LUZP2: variants seen among roughly 807,000 people sequenced by gnomAD.
LUZP2 encodes leucine zipper protein 2.
Under a neutral mutation model 51.6 loss-of-function variants are expected in LUZP2, and 52 were observed. That is an observed-to-expected ratio of 1.01 (90% CI 0.81 to 1.27). The LOEUF (loss-of-function observed/expected upper bound fraction) is 1.27, where lower values mean the gene tolerates loss of function less well. LUZP2 is among the 50% of genes most tolerant of loss of function. LUZP2 has a pLI of 0.00. For missense variants in LUZP2, 436 were observed against 395.4 expected (o/e 1.10, Z -0.87); for synonymous variants, 154 against 137.3 (o/e 1.12, Z -0.85).
chr11:24,997,323 A>G (rs533670440), intron 9 of LUZP2, among the ~76,000 whole-genome samples: 2 of 152,302 alleles, frequency 1.3e-5, no homozygotes, highest in South Asian at 2.1e-4. Flanking sequence ...AACTGGTGTG[A>G]GATGGTATCC....
chr11:25,042,512 T>A (rs1252294423), intron 9 of LUZP2, among the ~76,000 whole-genome samples: 1 of 152,230 alleles, frequency 6.6e-6, no homozygotes, highest in Non-Finnish European at 1.5e-5. Flanking sequence ...AATGAGTCTC[T>A]AGTACATTAT....
At chr11:25,043,892 C>CTA (rs1004866992) in intron 9 of LUZP2, among the ~76,000 whole-genome samples, 2 of 137,932 alleles carry the variant, frequency 1.4e-5, no homozygotes, top group African/African-American at 5.2e-5. Context: ...GGGTCTCAGA[C>CTA]TATATATATA....
In LUZP2 at chr11:24,529,293, A is replaced by G. The variant is rs1590141895; in HGVS notation, c.62+31988A>G. Among the ~76,000 whole-genome samples, 6 of 151,252 alleles carry G rather than the reference A, an allele frequency of 4.0e-5. No individual in the cohort carries two copies. The South Asian group carries it at 1.2e-3, about 31-fold the overall frequency. The stretch of plus-strand genomic sequence containing the variant: ...ATAATGAAGATTAATGAATAAATAC[A>G]TATATCCATGTATATATTGTCTTCA... On this transcript the variant is annotated intron_variant, in intron 1 of 11. Transcript: ENST00000336930.
At chr11:25,044,336 C>T (rs1858223423) in intron 9 of LUZP2, among the ~76,000 whole-genome samples, 1 of 137,552 alleles carries the variant, frequency 7.3e-6, no homozygotes, top group Admixed American at 7.7e-5. Context: ...AATTGAAATC[C>T]ATATTCCTTT....
intron 9 of LUZP2, 118 bp from the exon 10 acceptor site, chr11:25,049,920 A>C: frequency 2.3e-6 from 1 of 438,162 alleles, no homozygotes; most frequent in Non-Finnish European, 3.9e-6. Flanking sequence ...TTTTGATTGT[A>C]ATGTTGCTAT....
At chr11:25,057,427 C>T (rs1033928602) in intron 10 of LUZP2, among the ~76,000 whole-genome samples, 3 of 151,966 alleles carry the variant, frequency 2.0e-5, no homozygotes, top group Admixed American at 6.6e-5. Context: ...GCAGCATATT[C>T]GACTATCAGT....
intron 5 of LUZP2, among the ~76,000 whole-genome samples, chr11:24,895,321 T>A (rs376751147): frequency 1.3e-5 from 2 of 152,050 alleles, no homozygotes; most frequent in Non-Finnish European, 2.9e-5. Context: ...TATATATATA[T>A]AAAAAAACTG....
At chr11:24,847,568 T>C (rs1240053913) in intron 5 of LUZP2, among the ~76,000 whole-genome samples, 1 of 152,174 alleles carries the variant, frequency 6.6e-6, no homozygotes, top group Non-Finnish European at 1.5e-5. Context: ...GTCTTTACCA[T>C]TGTTGCCTGT....
At chr11:24,899,624 A>G (rs1275681166) in intron 5 of LUZP2, among the ~76,000 whole-genome samples, 1 of 152,180 alleles carries the variant, frequency 6.6e-6, no homozygotes, top group Non-Finnish European at 1.5e-5. Flanking sequence ...TATGCTATGC[A>G]AACTGCAAGA....
chr11:24,591,103 A>T (rs1271581846), intron 1 of LUZP2, among the ~76,000 whole-genome samples: 1 of 152,054 alleles, frequency 6.6e-6, no homozygotes, highest in Non-Finnish European at 1.5e-5. Flanking sequence ...AGCAAGCCCC[A>T]ATCCCTTAAA....
intron 10 of LUZP2, among the ~76,000 whole-genome samples, chr11:25,056,124 A>T (rs976555412): frequency 2.0e-5 from 3 of 152,214 alleles, no homozygotes; most frequent in African/African-American, 7.2e-5. Flanking sequence ...TAATGTATTT[A>T]TAGTGAGTAG....
chr11:25,039,154 A>T (rs527674949), intron 9 of LUZP2, among the ~76,000 whole-genome samples: 1 of 152,240 alleles, frequency 6.6e-6, no homozygotes, highest in East Asian at 1.9e-4. Flanking sequence ...TGTTGTTGTT[A>T]GATCTTTCAG....
intron 4 of LUZP2, among the ~76,000 whole-genome samples, chr11:24,756,894 C>G (rs188293663): frequency 4.6e-5 from 7 of 152,330 alleles, no homozygotes; most frequent in South Asian, 2.1e-4. Context: ...CAGTTTCAAG[C>G]TGAGGTTCCC....
chr11:24,596,594 GC>G lies in LUZP2; in HGVS notation c.62+99291del, dbSNP rs1334057245. On this transcript the variant is annotated intron_variant, in intron 1 of 11. Transcript: ENST00000336930. ...TGGAGTTTGGTTAAAGTAGACTGGT[GC>G]CTTATAACAGAGTGCCTAAAATGAC... is the stretch of plus-strand genomic sequence containing the variant. Among the ~76,000 whole-genome samples the G allele has an allele frequency of 3.3e-5, 5 of 152,296 alleles. No individual in the cohort carries two copies. The East Asian group carries it at 9.6e-4, about 29-fold the overall frequency.
intron 7 of LUZP2, among the ~76,000 whole-genome samples, chr11:24,916,562 C>A (rs1293275154): frequency 6.6e-6 from 1 of 152,016 alleles, no homozygotes. Context: ...TCAGTTCCCA[C>A]CTATGAGTGA....
intron 1 of LUZP2, among the ~76,000 whole-genome samples, chr11:24,545,295 AT>A (rs1851504827): frequency 6.6e-6 from 1 of 151,958 alleles, no homozygotes; most frequent in Non-Finnish European, 1.5e-5. Context: ...TCATTTGTCA[AT>A]TTTTGCTTTT....
chr11:25,009,198 T>C (rs529059661), intron 9 of LUZP2, among the ~76,000 whole-genome samples: 1 of 152,324 alleles, frequency 6.6e-6, no homozygotes, highest in South Asian at 2.1e-4. Flanking sequence ...TATGTTAAAG[T>C]ATCCATATAG....
chr11:24,528,868 AAGAT>A (rs1249231195), intron 1 of LUZP2, among the ~76,000 whole-genome samples: 13 of 151,380 alleles, frequency 8.6e-5, no homozygotes, highest in African/African-American at 1.9e-4. Flanking sequence ...AAAATCCTGA[AAGAT>A]AGAAGTGTTA....
At position 24,774,381 on chromosome 11, in the gene LUZP2, T is replaced by TATATATATATAC. The variant is rs1184772523; in HGVS notation, c.396+11074_396+11075insTATATATATACA. On this transcript the variant is annotated intron_variant, in intron 5 of 11. Coordinates refer to ENST00000336930, the MANE Select transcript of LUZP2 (RefSeq NM_001009909.4). ...CTCTCTCTATATATATATATATATA[T>TATATATATATAC]ACATACACACACACATATTTATAAA... Among the ~76,000 whole-genome samples, 3 of 93,986 alleles carry TATATATATATAC rather than the reference T, an allele frequency of 3.2e-5. No individual in the cohort carries two copies. The East Asian group carries it at 8.6e-4, about 27-fold the overall frequency. The allele number at this position is 93,986 out of a possible 152,430, so 61.7% of individuals were successfully genotyped here.
Sources: gnomAD v4.1 joint callset for allele counts (sites outside exome capture counted in the v4.1 genomes callset) on GRCh38, gnomAD v4.1.1 for gene constraint, MANE v1.5 for transcripts, NCBI Gene and HGNC (gene_info 2026-07-23, HGNC 2026-07-21) for gene names.